The following ACACA variants were observed in gnomAD, a reference collection of about 807,000 sequenced individuals.
ACACA encodes acetyl-CoA carboxylase 1.
ACACA carries 103 observed loss-of-function variants against 296.1 expected under a neutral mutation model. That is an observed-to-expected ratio of 0.35 (90% CI 0.30 to 0.41). The LOEUF (loss-of-function observed/expected upper bound fraction) is 0.41, where lower values mean the gene tolerates loss of function less well. ACACA is among the 10% of genes least tolerant of loss of function. ACACA has a pLI of 1.00. For missense variants in ACACA, 1,554 were observed against 2,989.7 expected (o/e 0.52, Z 11.20); for synonymous variants, 953 against 1,038.6 (o/e 0.92, Z 1.58).
At chr17:37,171,156 C>T (rs1444281245) in intron 41 of ACACA, among the ~76,000 whole-genome samples, 1 of 152,134 alleles carries the variant, frequency 6.6e-6, no homozygotes. Context: ...TATATTCATG[C>T]TAAAATGATC....
chr17:37,152,952 T>A (rs1031804235), intron 43 of ACACA, among the ~76,000 whole-genome samples: 2 of 152,202 alleles, frequency 1.3e-5, no homozygotes, highest in Non-Finnish European at 2.9e-5. Context: ...TCCCAGATTC[T>A]GCTGCCTTTC....
chr17:37,179,319 G>C lies in ACACA; in HGVS notation c.5020C>G (p.Leu1674Val), dbSNP rs765118811. 15 of 1,614,032 alleles carry C rather than the reference G, an allele frequency of 9.3e-6. No homozygotes were observed. The Admixed American group carries it at 2.5e-4, about 27-fold the overall frequency. Residue 1674 changes from leucine (L) to valine (V), a missense_variant, in exon 41 of 56, where the codon CTG (leucine) becomes GTG (valine). By Grantham distance (32) the Leu-to-Val change is conservative (BLOSUM62 1). Around this residue, in one of 16 missense-constraint regions of ACACA, gnomAD observed 553 missense variants for 1,043.6 expected, o/e 0.53. Coordinates refer to ENST00000616317, the MANE Select transcript of ACACA (RefSeq NM_198834.3). ...LPSDMLTYTELVLDDQGQLVH... is the reference protein window; with the variant it reads ...LPSDMLTYTEVVLDDQGQLVH... ...AGCTGACCTTGATCATCCAGTACCA[G>C]TTCAGTGTAAGTCAGCATGTCAGAA...
chr17:37,221,461 A>T (rs969780830), intron 29 of ACACA: 18 of 460,696 alleles, frequency 3.9e-5, no homozygotes, highest in African/African-American at 6.6e-5. Flanking sequence ...CTAATTTTTT[A>T]AAAAAGAAAC....
At chr17:37,240,971 T>A (rs2080367906) in intron 23 of ACACA, among the ~76,000 whole-genome samples, 2 of 152,102 alleles carry the variant, frequency 1.3e-5, no homozygotes, top group Admixed American at 1.3e-4. Flanking sequence ...GGCAGGAGGA[T>A]CACTTGAGTC....
At chr17:37,325,157 C>T (rs1394685366) in intron 3 of ACACA, among the ~76,000 whole-genome samples, 2 of 148,710 alleles carry the variant, frequency 1.3e-5, no homozygotes, top group Admixed American at 6.7e-5. Context: ...GCCAAGATGG[C>T]GCCACTGCAC....
intron 41 of ACACA, among the ~76,000 whole-genome samples, chr17:37,171,283 G>T (rs758223392): frequency 6.6e-6 from 1 of 152,080 alleles, no homozygotes; most frequent in Non-Finnish European, 1.5e-5. Context: ...GCATGTTAGC[G>T]CTAACCCAGA....
At chr17:37,391,710 C>T in intron 1 of ACACA, 1 of 1,613,656 alleles carries the variant, frequency 6.2e-7, no homozygotes, top group South Asian at 1.1e-5. Context: ...TGTTATCCAC[C>T]AGACATACTT....
chr17:37,315,676 CAACTCAGG>C (rs1196464373), intron 3 of ACACA, among the ~76,000 whole-genome samples: 1 of 152,146 alleles, frequency 6.6e-6, no homozygotes, highest in Admixed American at 6.5e-5. Flanking sequence ...ATAAAGGATA[CAACTCAGG>C]AACTCAGGAA....
rs561493986 is a variant in ACACA at position 37,085,781 on chromosome 17, G to A, written c.*1535C>T. 25 of 399,176 alleles carry A rather than the reference G, an allele frequency of 6.3e-5. No individual in the cohort carries two copies. The highest frequency in any genetic ancestry group is 8.8e-5 in the Admixed American group (2 of 22,742). 24.7% of individuals were successfully genotyped at this position (399,176 alleles called of 1,614,324 possible). A position where few individuals can be genotyped will look rare whatever the true frequency, so the allele number is the denominator to read the frequency against. ...TCCTGAAGAAGGGGAGGTGGAGCTCGTTCTTGTGTGCAAACTACAGGGTTA... is the reference window on the plus strand; with the variant it reads ...TCCTGAAGAAGGGGAGGTGGAGCTCATTCTTGTGTGCAAACTACAGGGTTA... On this transcript the variant is annotated 3_prime_UTR_variant, in exon 56 of 56. Transcript: ENST00000616317.
At chr17:37,346,423 C>A (rs533130023) in intron 1 of ACACA, among the ~76,000 whole-genome samples, 1 of 151,658 alleles carries the variant, frequency 6.6e-6, no homozygotes, top group African/African-American at 2.4e-5. Flanking sequence ...CTATTGAGAC[C>A]AGGTGTGGTG....
At chr17:37,150,683 G>A (rs1431431563) in intron 44 of ACACA, among the ~76,000 whole-genome samples, 1 of 152,080 alleles carries the variant, frequency 6.6e-6, no homozygotes, top group East Asian at 1.9e-4. Flanking sequence ...AGCCCAGGGG[G>A]TAAAGGCTGC....
At chr17:37,178,383 A>T (rs974985391) in intron 41 of ACACA, among the ~76,000 whole-genome samples, 2 of 152,332 alleles carry the variant, frequency 1.3e-5, no homozygotes, top group Non-Finnish European at 2.9e-5. Flanking sequence ...CTTCAAGAAC[A>T]CATTTATCAT....
At chr17:37,089,140 A>G in intron 54 of ACACA, 66 bp from the exon 55 acceptor site, 1 of 1,609,786 alleles carries the variant, frequency 6.2e-7, no homozygotes, top group South Asian at 1.1e-5. Context: ...CTGACTATTC[A>G]GGATCTGGAG....
At position 37,327,326 on chromosome 17, in the gene ACACA, C is replaced by G. The variant is rs573920876; in HGVS notation, c.338+2847G>C. Among the ~76,000 whole-genome samples the G allele has an allele frequency of 2.0e-5, 3 of 152,270 alleles. No homozygotes were observed. In the South Asian group the frequency reaches 6.2e-4, roughly 32 times the overall value. On this transcript the variant is annotated intron_variant, in intron 3 of 55. Transcript: ENST00000616317. ...GAATTTGACTCAATTAAAATTACCC[C>G]AAAGGTCACCATATCCAGAAGTGAC...
rs1011106103 is a variant in ACACA at position 37,229,454 on chromosome 17, C to T, written c.3247-3002G>A. On this transcript the variant is annotated intron_variant, in intron 25 of 55. Coordinates refer to ENST00000616317, the MANE Select transcript of ACACA (RefSeq NM_198834.3). ...GAGTACCTGGGACTACAGGCGCCCGCCACCATGCCCGGCTAATTTTTTGTA... is the reference window on the plus strand; with the variant it reads ...GAGTACCTGGGACTACAGGCGCCCGTCACCATGCCCGGCTAATTTTTTGTA... Among the ~76,000 whole-genome samples the T allele has an allele frequency of 7.9e-5, 12 of 151,692 alleles. No homozygotes were observed. The East Asian group carries it at 2.3e-3, about 29-fold the overall frequency.
intron 14 of ACACA, among the ~76,000 whole-genome samples, chr17:37,256,377 G>A (rs1028774148): frequency 6.6e-6 from 1 of 152,130 alleles, no homozygotes; most frequent in East Asian, 1.9e-4. Flanking sequence ...TTATAGTTTT[G>A]AAGAATGAGA....
At chr17:37,343,495 A>T (rs1166420863) in intron 1 of ACACA, among the ~76,000 whole-genome samples, 3 of 151,972 alleles carry the variant, frequency 2.0e-5, no homozygotes, top group Non-Finnish European at 2.9e-5. Flanking sequence ...GGCCGGGTGC[A>T]GTGGCTCATG....
At chr17:37,182,451 T>C (rs2077362510) in intron 39 of ACACA, among the ~76,000 whole-genome samples, 1 of 152,192 alleles carries the variant, frequency 6.6e-6, no homozygotes, top group Non-Finnish European at 1.5e-5. Flanking sequence ...ATGAAATCAC[T>C]ACACTGGTTT....
At chr17:37,276,228 T>A (rs1245022130) in intron 7 of ACACA, among the ~76,000 whole-genome samples, 179 bp from the exon 8 acceptor site, 1 of 152,228 alleles carries the variant, frequency 6.6e-6, no homozygotes, top group Non-Finnish European at 1.5e-5. Context: ...TTGTACCATC[T>A]GTAAAACCTA....
Sources: allele counts gnomAD v4.1 joint callset (sites outside exome capture counted in the v4.1 genomes callset), GRCh38; gene constraint gnomAD v4.1.1; regional missense constraint gnomAD v4.1.1; transcripts MANE v1.5; gene names NCBI Gene and HGNC (gene_info 2026-07-23, HGNC 2026-07-21).